NDUFAF6: variants seen among roughly 807,000 people sequenced by gnomAD.
NDUFAF6 encodes NADH dehydrogenase (ubiquinone) complex I, assembly factor 6.
Under a neutral mutation model 40.8 loss-of-function variants are expected in NDUFAF6, and 45 were observed. The observed-to-expected ratio is 1.10, with a 90% confidence interval of 0.87 to 1.42. NDUFAF6 has a LOEUF of 1.42. Ranked by LOEUF, NDUFAF6 falls within the 40% of genes most tolerant of loss-of-function variation. The pLI, the probability that NDUFAF6 is intolerant of heterozygous loss-of-function variation, is 0.00. For missense variants in NDUFAF6, 435 were observed against 418.5 expected (o/e 1.04, Z -0.34); for synonymous variants, 185 against 155.9 (o/e 1.19, Z -1.39).
chr8:95,113,858 G>T (rs952535135), intron 4 of NDUFAF6, among the ~76,000 whole-genome samples: 1 of 152,054 alleles, frequency 6.6e-6, no homozygotes, highest in Admixed American at 6.6e-5. Context: ...AATTTGTAGG[G>T]ACATGGATGA....
At chr8:94,902,222 C>T (rs1015730987) in intron 1 of NDUFAF6, among the ~76,000 whole-genome samples, 1 of 149,926 alleles carries the variant, frequency 6.7e-6, no homozygotes, top group Non-Finnish European at 1.5e-5. Flanking sequence ...AGTTCAAAAC[C>T]AGCCTGGCCA....
At chr8:94,928,003 C>G (rs1489984218) in intron 1 of NDUFAF6, 1 of 152,212 alleles carries the variant, frequency 6.6e-6, no homozygotes, top group East Asian at 1.9e-4. Context: ...GGCCTTGTGT[C>G]TTACATACAG....
At chr8:95,029,200 G>A (rs1027271808) in intron 1 of NDUFAF6, among the ~76,000 whole-genome samples, 2 of 152,138 alleles carry the variant, frequency 1.3e-5, no homozygotes, top group African/African-American at 4.8e-5. Context: ...TTTATAAGAA[G>A]GTTCCAATGT....
At chr8:95,039,506 G>C (rs1168620673) in intron 3 of NDUFAF6, among the ~76,000 whole-genome samples, 1 of 150,980 alleles carries the variant, frequency 6.6e-6, no homozygotes, top group East Asian at 1.9e-4. Context: ...TCAAACTCCT[G>C]AGCTCAAGCT....
At chr8:95,000,862 A>T (rs181864689) in intron 2 of NDUFAF6, among the ~76,000 whole-genome samples, 2 of 151,912 alleles carry the variant, frequency 1.3e-5, no homozygotes, top group Admixed American at 6.6e-5. Flanking sequence ...GCTTGAACCC[A>T]TGAGGCAGAG....
At chr8:94,967,384 G>A (rs1296396016) in intron 1 of NDUFAF6, among the ~76,000 whole-genome samples, 2 of 152,150 alleles carry the variant, frequency 1.3e-5, no homozygotes, top group African/African-American at 4.8e-5. Context: ...TCCACAGCAA[G>A]ACTGACCATC....
intron 2 of NDUFAF6, among the ~76,000 whole-genome samples, chr8:94,995,386 T>C (rs1826379742): frequency 6.6e-6 from 1 of 152,206 alleles, no homozygotes; most frequent in Non-Finnish European, 1.5e-5. Flanking sequence ...TAAAAATCTC[T>C]TGCACAATAA....
At chr8:95,000,664 C>G (rs138380058) in intron 2 of NDUFAF6, among the ~76,000 whole-genome samples, 1,519 of 150,586 alleles carry the variant, frequency 0.01, 28 homozygotes, top group African/African-American at 0.035. Flanking sequence ...GGCTGGGCGT[C>G]GTGGCTTACA....
chr8:94,974,179 C>T (rs1439413145), intron 1 of NDUFAF6, among the ~76,000 whole-genome samples: 2 of 151,750 alleles, frequency 1.3e-5, no homozygotes, highest in African/African-American at 4.8e-5. Context: ...CATACCATCT[C>T]CTCATCCCTT....
At chr8:94,918,787 C>G (rs1449428084) in intron 1 of NDUFAF6, among the ~76,000 whole-genome samples, 1 of 152,248 alleles carries the variant, frequency 6.6e-6, no homozygotes. Context: ...CAACATCCTT[C>G]TCTTTCCAAC....
intron 2 of NDUFAF6, among the ~76,000 whole-genome samples, chr8:95,016,830 T>A (rs938683558): frequency 2.6e-5 from 4 of 151,992 alleles, no homozygotes; most frequent in Non-Finnish European, 5.9e-5. Flanking sequence ...AAGAAAATAA[T>A]TTGGGGTGCT....
chr8:95,031,671 C>A lies in NDUFAF6; in HGVS notation c.198-324C>A, dbSNP rs529705470. On this transcript the variant is annotated intron_variant, in intron 1 of 8. Coordinates refer to ENST00000396124, the MANE Select transcript of NDUFAF6 (RefSeq NM_152416.4). Reference sequence around the variant, plus strand: ...CTGGAGTGCAGTGGCGCAATCTGGGCTCACTGTGACCTCCACCTCCTGGGC... The same window carrying A: ...CTGGAGTGCAGTGGCGCAATCTGGGATCACTGTGACCTCCACCTCCTGGGC... Among the ~76,000 whole-genome samples, 7 of 152,276 alleles carry A rather than the reference C, an allele frequency of 4.6e-5. No homozygotes were observed. In the East Asian group the frequency reaches 1.3e-3, roughly 29 times the overall value.
intron 2 of NDUFAF6, among the ~76,000 whole-genome samples, chr8:95,018,101 A>G (rs770818669): frequency 6.6e-6 from 1 of 152,104 alleles, no homozygotes; most frequent in Admixed American, 6.5e-5. Context: ...GGCTGGGTGC[A>G]GTGATCGTGG....
chr8:94,978,713 C>CA (rs1456516727), intron 1 of NDUFAF6, among the ~76,000 whole-genome samples: 9 of 147,676 alleles, frequency 6.1e-5, no homozygotes, highest in East Asian at 2.0e-4. Flanking sequence ...GACCCTGTCT[C>CA]AAAAAAAGAA....
chr8:95,099,261 G>C (rs1809576658), upstream of NDUFAF6, among the ~76,000 whole-genome samples: 1 of 151,384 alleles, frequency 6.6e-6, no homozygotes, highest in Non-Finnish European at 1.5e-5. Context: ...CAAAACAAAA[G>C]CTGGCGTCTC....
intron 2 of NDUFAF6, among the ~76,000 whole-genome samples, chr8:94,997,480 T>A (rs1263487894): frequency 6.6e-6 from 1 of 152,182 alleles, no homozygotes; most frequent in Non-Finnish European, 1.5e-5. Flanking sequence ...AAAGTAGCCA[T>A]GAATGTATTT....
intron 1 of NDUFAF6, among the ~76,000 whole-genome samples, chr8:94,973,197 C>A (rs1824617282): frequency 6.6e-6 from 1 of 152,218 alleles, no homozygotes; most frequent in African/African-American, 2.4e-5. Flanking sequence ...CTGCCACTCC[C>A]TAGCTGTGTG....
chr8:94,939,125 G>T (rs1263067959), intron 1 of NDUFAF6, among the ~76,000 whole-genome samples: 1 of 152,166 alleles, frequency 6.6e-6, no homozygotes, highest in Admixed American at 6.5e-5. Context: ...GGAAGAAACT[G>T]AGTTTGTTAA....
chr8:95,105,406 C>G (rs1296601139), downstream of NDUFAF6, among the ~76,000 whole-genome samples: 3 of 151,822 alleles, frequency 2.0e-5, no homozygotes, highest in Non-Finnish European at 4.4e-5. Flanking sequence ...GTTGCCCAGG[C>G]TGGAGTGCAG....
Sources: gnomAD v4.1 joint callset for allele counts (sites outside exome capture counted in the v4.1 genomes callset) on GRCh38, gnomAD v4.1.1 for gene constraint, MANE v1.5 for transcripts, NCBI Gene and HGNC (gene_info 2026-07-23, HGNC 2026-07-21) for gene names.